Variants in EPS15L1 observed in about 807,000 individuals in gnomAD.
The protein encoded by EPS15L1 is epidermal growth factor receptor substrate 15-like 1.
In EPS15L1, 43 loss-of-function variants were observed where a neutral mutation model predicts 117.1. That is an observed-to-expected ratio of 0.37 (90% CI 0.29 to 0.47). EPS15L1 has a LOEUF of 0.47. Among genes scored for constraint, EPS15L1 ranks in the 20% least tolerant of loss-of-function variants. The pLI is 0.99. For missense variants in EPS15L1, 981 were observed against 1,164.0 expected (o/e 0.84, Z 2.29); for synonymous variants, 459 against 470.5 (o/e 0.98, Z 0.32).
At chr19:16,432,587 TAAATACAAATAC>T (rs140220902) in intron 7 of EPS15L1, among the ~76,000 whole-genome samples, 22,374 of 145,198 alleles carry the variant, frequency 0.15, 1,767 homozygotes, top group African/African-American at 0.18. Flanking sequence ...AATAAATAAA[TAAATACAAATAC>T]AAATACAAAT....
intron 7 of EPS15L1, among the ~76,000 whole-genome samples, chr19:16,430,321 G>T (rs535184047): frequency 2.0e-5 from 3 of 152,330 alleles, no homozygotes; most frequent in African/African-American, 7.2e-5. Flanking sequence ...AAGAGGGCAG[G>T]CTCTAGGGAC....
chr19:16,385,318 G>T, intron 20 of EPS15L1, 107 bp from the exon 21 acceptor site: 1 of 922,030 alleles, frequency 1.1e-6, no homozygotes, highest in Non-Finnish European at 1.8e-6. Context: ...ACTCAGGAAG[G>T]CTGCATTTAT....
intron 21 of EPS15L1, among the ~76,000 whole-genome samples, chr19:16,377,814 C>T (rs187348598): frequency 1.1e-3 from 168 of 152,306 alleles, no homozygotes; most frequent in South Asian, 6.4e-3. Context: ...GGTGGAAGTG[C>T]ATCCTCACAT....
Position 16,402,326 on chromosome 19 carries a change from C to T in EPS15L1, c.1786G>A (p.Ala596Thr). 6.2e-7 allele frequency: 1 copy of T among 1,608,466 alleles called. No individual in the cohort carries two copies. Among genetic ancestry groups the T allele is most frequent in the African/African-American group, 1.3e-5 (1 of 74,676 alleles). ...TACGTTTATTCAACCTTTACCATGGCTCCAAAACTGCCCCTCTCTGCCAGG... is the reference window on the plus strand; with the variant it reads ...TACGTTTATTCAACCTTTACCATGGTTCCAAAACTGCCCCTCTCTGCCAGG... ...VSLAERGSFG[A>T]MDDPFKNKAL... The change falls in exon 16 of 24, where the codon GCC (alanine) becomes ACC (threonine). Residue 596 changes from alanine to threonine, a missense_variant. Around this residue, in one of 5 missense-constraint regions of EPS15L1, gnomAD observed 819 missense variants for 949.0 expected, o/e 0.86. Coordinates refer to ENST00000455140, the MANE Select transcript of EPS15L1 (RefSeq NM_001258374.3).
intron 1 of EPS15L1, among the ~76,000 whole-genome samples, chr19:16,450,902 G>A (rs2093135348): frequency 6.6e-6 from 1 of 152,034 alleles, no homozygotes; most frequent in South Asian, 2.1e-4. Flanking sequence ...ATGCAATACT[G>A]TACCACCATT....
Position 16,383,739 on chromosome 19 carries a change from T to G in EPS15L1, c.2247+1390A>C, listed in dbSNP as rs1364988821. On this transcript the variant is annotated intron_variant, in intron 21 of 23. Coordinates refer to ENST00000455140, the MANE Select transcript of EPS15L1 (RefSeq NM_001258374.3). The surrounding 1 kb of genome is among the most constrained non-coding windows in gnomAD (Gnocchi z 5.2). ...TTGAAAACCTGAACAGAATCTCAAG[T>G]GCTTCTCGGAATCTGTGTTCTGTGA... is the stretch of plus-strand genomic sequence containing the variant. 2 of 152,278 alleles carry G rather than the reference T, an allele frequency of 1.3e-5. No individual in the cohort carries two copies. Among genetic ancestry groups the G allele is most frequent in the Non-Finnish European group, 2.9e-5 (2 of 68,066 alleles). The allele number at this position is 152,278 out of a possible 1,614,324, so 9.4% of individuals were successfully genotyped here.
chr19:16,391,518 T>G (rs1274233401), intron 19 of EPS15L1, among the ~76,000 whole-genome samples: 1 of 151,766 alleles, frequency 6.6e-6, no homozygotes, highest in Non-Finnish European at 1.5e-5. Flanking sequence ...TGAGTGCCCG[T>G]CTCTGAGCAG....
At chr19:16,389,719 C>T (rs373009906) in intron 19 of EPS15L1, among the ~76,000 whole-genome samples, 8 of 152,194 alleles carry the variant, frequency 5.3e-5, no homozygotes, top group East Asian at 3.9e-4. Flanking sequence ...ATTCACATGA[C>T]GGCTATAACA....
intron 22 of EPS15L1, among the ~76,000 whole-genome samples, chr19:16,373,698 G>C (rs2092256766): frequency 6.6e-6 from 1 of 152,138 alleles, no homozygotes; most frequent in Non-Finnish European, 1.5e-5. Flanking sequence ...GAATTGTACA[G>C]AGCCCGGCTC....
chr19:16,400,254 T>C (rs1369495763), intron 16 of EPS15L1, among the ~76,000 whole-genome samples: 1 of 151,608 alleles, frequency 6.6e-6, no homozygotes, highest in Non-Finnish European at 1.5e-5. Flanking sequence ...GGAGAATCAC[T>C]TGGACCCGGG....
rs2144837149 is a variant in EPS15L1 at position 16,403,874 on chromosome 19, T to C, written c.1485A>G (p.Glu495=). The change falls in exon 15 of 24, where the codon GAA becomes GAG. Residue 495 remains glutamate, a synonymous_variant. Coordinates refer to ENST00000455140, the MANE Select transcript of EPS15L1 (RefSeq NM_001258374.3). ...CCGACTTGGCTCGGTTCAGATCGTC[T>C]TCCTGGGACTTTAAGTCAGATTCCT... ...QSQESDLKSQ[E]DDLNRAKSEL... The C allele has an allele frequency of 6.2e-7, 1 of 1,614,170 alleles. No homozygotes were observed. The highest frequency in any genetic ancestry group is 1.1e-5 in the South Asian group (1 of 91,076).
chr19:16,418,363 C>T (rs1286687976), intron 10 of EPS15L1, among the ~76,000 whole-genome samples: 1 of 152,174 alleles, frequency 6.6e-6, no homozygotes, highest in Non-Finnish European at 1.5e-5. Context: ...GAGGAGCCGA[C>T]CCCCTGGGAA....
intron 22 of EPS15L1, among the ~76,000 whole-genome samples, chr19:16,362,769 C>A (rs1313875249): frequency 6.6e-6 from 1 of 152,100 alleles, no homozygotes; most frequent in Non-Finnish European, 1.5e-5. Context: ...CTCAGCCTCC[C>A]AAAGTGCTGG....
intron 13 of EPS15L1, chr19:16,412,723 G>T (rs1401989736): frequency 4.9e-4 from 83 of 170,042 alleles, no homozygotes; most frequent in South Asian, 3.8e-3. Context: ...TGGGGGGGGG[G>T]GGGGTGTCAG....
intron 22 of EPS15L1, among the ~76,000 whole-genome samples, chr19:16,374,342 C>T (rs1374581325): frequency 6.6e-6 from 1 of 152,210 alleles, no homozygotes; most frequent in African/African-American, 2.4e-5. Flanking sequence ...CAGCAACCAT[C>T]AACCACAGCA....
intron 22 of EPS15L1, among the ~76,000 whole-genome samples, chr19:16,376,848 G>A (rs1330766353): frequency 6.6e-6 from 1 of 152,256 alleles, no homozygotes; most frequent in Non-Finnish European, 1.5e-5. Flanking sequence ...CCAGCCACAA[G>A]GGGAGCTCTA....
At chr19:16,441,683 C>T (rs1032754574) in intron 3 of EPS15L1, 39 of 403,440 alleles carry the variant, frequency 9.7e-5, no homozygotes, top group Admixed American at 2.5e-4. Context: ...CAAAAGTACT[C>T]GGGTTTCTTA....
chr19:16,423,653 T>C (rs554392879), intron 9 of EPS15L1, among the ~76,000 whole-genome samples: 2 of 152,318 alleles, frequency 1.3e-5, no homozygotes, highest in African/African-American at 4.8e-5. Context: ...TTTTTACTTG[T>C]GGCATTGTAC....
intron 11 of EPS15L1, 147 bp from the exon 12 acceptor site, chr19:16,417,784 A>T: frequency 2.5e-6 from 3 of 1,188,466 alleles, no homozygotes; most frequent in Non-Finnish European, 3.6e-6. Flanking sequence ...TGCCTGGGGA[A>T]ATACCTGGGC....
Sources: allele counts gnomAD v4.1 joint callset (sites outside exome capture counted in the v4.1 genomes callset), GRCh38; gene constraint gnomAD v4.1.1; regional missense constraint gnomAD v4.1.1; non-coding constraint Gnocchi (gnomAD v3.1); transcripts MANE v1.5; gene names NCBI Gene and HGNC (gene_info 2026-07-23, HGNC 2026-07-21).